ADGRG2: variants seen among roughly 807,000 people sequenced by gnomAD.
ADGRG2 encodes adhesion G protein-coupled receptor G2.
Under a neutral mutation model 74.1 loss-of-function variants are expected in ADGRG2, and 26 were observed. That is an observed-to-expected ratio of 0.35 (90% confidence interval 0.26 to 0.49). ADGRG2 has a LOEUF of 0.49. Among genes scored for constraint, ADGRG2 ranks in the 20% least tolerant of loss-of-function variants. The pLI, the probability that ADGRG2 is intolerant of heterozygous loss-of-function variation, is 0.99. For synonymous variants in ADGRG2, 296 were observed against 295.2 expected (o/e 1.00, Z -0.03); for missense variants, 619 against 763.1 (o/e 0.81, Z 2.22).
chrX:19,121,472 G>T (rs1602160098), intron 1 of ADGRG2, among the ~76,000 whole-genome samples: 1 of 111,216 alleles, frequency 9.0e-6, no homozygotes, highest in South Asian at 3.8e-4. Flanking sequence ...GGTAGAGGTG[G>T]CAAAGAGGTA....
Position 19,019,724 on chromosome X carries a change from T to C in ADGRG2, c.644-59A>G. 1.3e-5 allele frequency: 8 copies of C among 630,053 alleles called. No individual in the cohort carries two copies. The South Asian group carries it at 1.9e-4, about 15-fold the overall frequency. The allele number at this position is 630,053 out of a possible 1,213,427, so 51.9% of individuals were successfully genotyped here. ...ATGCACGGTCAAGAACAAAGCAAGG[T>C]GGCAGCTCAGAACCATTAAGTATCA... On this transcript the variant is annotated intron_variant, in intron 14 of 28. Transcript: ENST00000379869.
At chrX:19,008,397 G>T (rs753102926) in intron 18 of ADGRG2, among the ~76,000 whole-genome samples, 1 of 111,611 alleles carries the variant, frequency 9.0e-6, no homozygotes. Context: ...TGGGCACGGC[G>T]GCTCACACCT....
Position 19,082,763 on chromosome X carries a change from A to G in ADGRG2, c.-46-17T>C, listed in dbSNP as rs1301889944. On this transcript the variant is annotated splice_polypyrimidine_tract_variant and intron_variant, in intron 1 of 28. Coordinates refer to ENST00000379869, the MANE Select transcript of ADGRG2 (RefSeq NM_001079858.3). The stretch of plus-strand genomic sequence containing the variant: ...TGTGCACACCTGAAAATGAAAAATA[A>G]AAAATAAAAAGCAAAATTAGACCAA... 1 of 112,492 alleles carries G rather than the reference A, an allele frequency of 8.9e-6. No homozygotes were observed. Among genetic ancestry groups the G allele is most frequent in the African/African-American group, 3.2e-5 (1 of 30,869 alleles). The allele number at this position is 112,492 out of a possible 1,213,427, so 9.3% of individuals were successfully genotyped here.
intron 23 of ADGRG2, among the ~76,000 whole-genome samples, chrX:19,004,243 G>A (rs983051291): frequency 8.9e-6 from 1 of 112,183 alleles, no homozygotes; most frequent in Admixed American, 9.5e-5. Flanking sequence ...AAGCCAAGAA[G>A]GAAAGGCTGT....
At chrX:19,018,876 A>T (rs1285401888) in intron 15 of ADGRG2, among the ~76,000 whole-genome samples, 1 of 111,523 alleles carries the variant, frequency 9.0e-6, no homozygotes. Flanking sequence ...GGAGTCTTGC[A>T]CTTTCACCCA....
chrX:19,062,462 G>A (rs1220535341), intron 3 of ADGRG2, among the ~76,000 whole-genome samples: 2 of 111,966 alleles, frequency 1.8e-5, no homozygotes, highest in Non-Finnish European at 3.8e-5. Context: ...CCTCATGCCT[G>A]GGTGCAGGTA....
intron 20 of ADGRG2, 148 bp downstream of exon 20, chrX:19,007,087 G>A (rs2146547066): frequency 5.7e-6 from 3 of 521,815 alleles, no homozygotes; most frequent in East Asian, 3.5e-5. Context: ...AAAATCCAAT[G>A]GAGAGATGTG....
At chrX:19,061,531 C>A (rs2061489629) in intron 3 of ADGRG2, among the ~76,000 whole-genome samples, 1 of 111,551 alleles carries the variant, frequency 9.0e-6, no homozygotes, top group Admixed American at 9.5e-5. Context: ...CATTTTAAAG[C>A]AAGTTTAAAA....
rs1266655509 is a variant in ADGRG2 at position 19,014,023 on chromosome X, T to A, written c.762A>T (p.Pro254=). Residue 254 remains proline, a synonymous_variant, in exon 16 of 29, where the codon CCA becomes CCT. Coordinates refer to ENST00000379869, the MANE Select transcript of ADGRG2 (RefSeq NM_001079858.3). ...CTGGGATGGATTGGCTGGAAGAAAA[T>A]GGTGGGCCACGTGGATGGTCAGCAA... ...VCLADHPRGP[P]FSSSQSIPVV... The A allele has an allele frequency of 8.3e-7, 1 of 1,206,811 alleles. No individual in the cohort carries two copies.
At chrX:19,037,950 G>A (rs1333843505) in intron 4 of ADGRG2, among the ~76,000 whole-genome samples, 1 of 111,995 alleles carries the variant, frequency 8.9e-6, no homozygotes. Flanking sequence ...AAATTTTTCA[G>A]CCAGAGCATT....
At chrX:19,048,429 G>A (rs987513278) in intron 3 of ADGRG2, among the ~76,000 whole-genome samples, 2 of 111,604 alleles carry the variant, frequency 1.8e-5, no homozygotes, top group African/African-American at 6.5e-5. Context: ...GGAAATGGAG[G>A]AAAAGAGCAG....
chrX:19,102,263 A>G lies in ADGRG2; in HGVS notation c.-46-19517T>C, dbSNP rs780473248. On this transcript the variant is annotated intron_variant, in intron 1 of 28. Transcript: ENST00000379869. ...TGTCTTTCACATCACTCATAGATGC[A>G]AAAAAGCAAGATGAAGGACTCATTT... is the stretch of plus-strand genomic sequence containing the variant. Among the ~76,000 whole-genome samples, 28 of 109,030 alleles carry G rather than the reference A, an allele frequency of 2.6e-4. No homozygotes were observed. In the South Asian group the frequency reaches 0.011, roughly 43 times the overall value. 94.7% of individuals were successfully genotyped at this position (109,030 alleles called of 115,157 possible).
chrX:19,107,840 T>C (rs868219055), intron 1 of ADGRG2, among the ~76,000 whole-genome samples: 23 of 109,045 alleles, frequency 2.1e-4, no homozygotes, highest in Admixed American at 4.9e-4. Flanking sequence ...GTGGCTCACG[T>C]CTGTAATCCC....
intron 3 of ADGRG2, among the ~76,000 whole-genome samples, chrX:19,063,525 C>T: frequency 8.9e-6 from 1 of 112,300 alleles, no homozygotes; most frequent in East Asian, 2.8e-4. Flanking sequence ...GAAAACTACC[C>T]ACCGGAAAGA....
intron 3 of ADGRG2, among the ~76,000 whole-genome samples, chrX:19,046,800 T>C (rs1208946780): frequency 1.8e-5 from 2 of 111,552 alleles, no homozygotes; most frequent in Non-Finnish European, 3.8e-5. Context: ...ACTGGAATCA[T>C]GGAAGAGGCA....
intron 11 of ADGRG2, among the ~76,000 whole-genome samples, chrX:19,026,094 C>A (rs931934044): frequency 8.9e-6 from 1 of 111,940 alleles, no homozygotes; most frequent in South Asian, 3.7e-4. Flanking sequence ...TTCTTAACCA[C>A]TACAAACTGA....
intron 1 of ADGRG2, among the ~76,000 whole-genome samples, chrX:19,093,871 C>G (rs1373712905): frequency 9.3e-6 from 1 of 107,733 alleles, no homozygotes; most frequent in Non-Finnish European, 1.9e-5. Context: ...AAGTGTCTAT[C>G]AATGGTGGAC....
chrX:19,122,593 C>A (rs1437046122), upstream of ADGRG2: 5 of 109,396 alleles, frequency 4.6e-5, no homozygotes, highest in Admixed American at 9.5e-5. Context: ...AGCTGCCCAG[C>A]GCGGCGTGGC....
At chrX:19,045,349 C>T (rs760222432) in intron 3 of ADGRG2, among the ~76,000 whole-genome samples, 6 of 101,772 alleles carry the variant, frequency 5.9e-5, no homozygotes, top group East Asian at 3.0e-4. Flanking sequence ...GCTCTGTCGC[C>T]CAGGCTGGAG....
Sources: allele counts gnomAD v4.1 joint callset (sites outside exome capture counted in the v4.1 genomes callset), GRCh38; gene constraint gnomAD v4.1.1; transcripts MANE v1.5; gene names NCBI Gene and HGNC (gene_info 2026-07-23, HGNC 2026-07-21).